CRIM1: variants seen among roughly 807,000 people sequenced by gnomAD.
The protein encoded by CRIM1 is cysteine-rich motor neuron 1 protein.
Under a neutral mutation model 116.4 loss-of-function variants are expected in CRIM1, and 32 were observed. The observed-to-expected ratio is 0.27, with a 90% CI of 0.21 to 0.37. The LOEUF is 0.37. Among genes scored for constraint, CRIM1 ranks in the 10% least tolerant of loss-of-function variants. The pLI is 1.00. For synonymous variants in CRIM1, 590 were observed against 509.2 expected (o/e 1.16, Z -2.13); for missense variants, 1,331 against 1,354.8 (o/e 0.98, Z 0.28).
chr2:36,446,431 C>A (rs1214996716), intron 4 of CRIM1, among the ~76,000 whole-genome samples: 1 of 152,188 alleles, frequency 6.6e-6, no homozygotes, highest in Non-Finnish European at 1.5e-5. Flanking sequence ...GTTTCACTTT[C>A]CACTTCTATC....
chr2:36,382,261 T>C (rs559472290), intron 1 of CRIM1, among the ~76,000 whole-genome samples: 1 of 152,214 alleles, frequency 6.6e-6, no homozygotes, highest in Non-Finnish European at 1.5e-5. Flanking sequence ...ATGTTTAAAA[T>C]TAAATTCCAT....
chr2:36,492,690 T>G (rs943364522), intron 7 of CRIM1, among the ~76,000 whole-genome samples: 3 of 152,230 alleles, frequency 2.0e-5, no homozygotes, highest in African/African-American at 7.2e-5. Context: ...CAAGCTTTGA[T>G]GCTGTCTTGG....
chr2:36,447,417 C>T (rs1163811761), intron 4 of CRIM1, among the ~76,000 whole-genome samples: 1 of 152,178 alleles, frequency 6.6e-6, no homozygotes, highest in African/African-American at 2.4e-5. Context: ...ACAACCGCCC[C>T]AAAAGAAGTA....
intron 8 of CRIM1, among the ~76,000 whole-genome samples, chr2:36,506,553 G>A (rs962879122): frequency 6.6e-6 from 1 of 152,008 alleles, no homozygotes; most frequent in Non-Finnish European, 1.5e-5. Context: ...TTGAGCATAG[G>A]AGCAAACATT....
At chr2:36,466,139 G>A (rs1469174917) in intron 5 of CRIM1, among the ~76,000 whole-genome samples, 3 of 152,032 alleles carry the variant, frequency 2.0e-5, no homozygotes, top group Non-Finnish European at 4.4e-5. Flanking sequence ...ACCCGCCTCG[G>A]CCTCCCAAGG....
intron 7 of CRIM1, among the ~76,000 whole-genome samples, chr2:36,485,330 T>C (rs1679736869): frequency 6.6e-6 from 1 of 152,250 alleles, no homozygotes; most frequent in Admixed American, 6.5e-5. Context: ...TCTTGACCTA[T>C]GTGGATTTAG....
chr2:36,433,487 T>G (rs1675057424), intron 2 of CRIM1, among the ~76,000 whole-genome samples: 1 of 152,200 alleles, frequency 6.6e-6, no homozygotes, highest in Non-Finnish European at 1.5e-5. Flanking sequence ...GAACATGCCC[T>G]TGGCGAAGCT....
intron 7 of CRIM1, among the ~76,000 whole-genome samples, chr2:36,488,722 C>T (rs185309369): frequency 4.7e-4 from 71 of 152,172 alleles, no homozygotes; most frequent in Non-Finnish European, 9.3e-4. Context: ...TTGTTTGAAA[C>T]AGCCTAGTTC....
Position 36,396,711 on chromosome 2 carries a change from C to T in CRIM1, c.429C>T (p.Asn143=), listed in dbSNP as rs769586748. ...TAATCAATGGGAAATGTGAATGTAA[C>T]ACCATTCGAACCTGCAGCAATCCCT... ...CNIINGKCEC[N]TIRTCSNPFE... The change falls in exon 2 of 17, where the codon AAC becomes AAT. Residue 143 remains asparagine, a synonymous_variant. Coordinates refer to ENST00000280527, the MANE Select transcript of CRIM1 (RefSeq NM_016441.3). 2 of 1,613,688 alleles carry T rather than the reference C, an allele frequency of 1.2e-6. No homozygotes were observed. The highest frequency in any genetic ancestry group is 1.1e-5 in the South Asian group (1 of 91,050).
chr2:36,527,210 A>T (rs1397537626), intron 13 of CRIM1, among the ~76,000 whole-genome samples: 1 of 151,700 alleles, frequency 6.6e-6, no homozygotes, highest in Non-Finnish European at 1.5e-5. Flanking sequence ...TGTGGCTCAT[A>T]ACTTCCATGT....
At chr2:36,527,096 C>T (rs1166599280) in intron 13 of CRIM1, among the ~76,000 whole-genome samples, 1 of 151,800 alleles carries the variant, frequency 6.6e-6, no homozygotes, top group Non-Finnish European at 1.5e-5. Context: ...ATTCTTGAGT[C>T]AGTGTATCTT....
chr2:36,540,103 G>C (rs1168633362), intron 14 of CRIM1, among the ~76,000 whole-genome samples: 1 of 152,152 alleles, frequency 6.6e-6, no homozygotes, highest in Non-Finnish European at 1.5e-5. Context: ...AAGAGGGTCA[G>C]TGACATGGAA....
chr2:36,491,533 G>C (rs1680225139), intron 7 of CRIM1, among the ~76,000 whole-genome samples: 1 of 152,166 alleles, frequency 6.6e-6, no homozygotes, highest in South Asian at 2.1e-4. Flanking sequence ...GGACAATTTT[G>C]AATGGGAGCT....
At chr2:36,515,878 T>A (rs953368079) in intron 11 of CRIM1, among the ~76,000 whole-genome samples, 1 of 152,238 alleles carries the variant, frequency 6.6e-6, no homozygotes, top group African/African-American at 2.4e-5. Context: ...TTTTGCTATA[T>A]TCATTTATCG....
chr2:36,410,407 C>T (rs573861461), intron 2 of CRIM1, among the ~76,000 whole-genome samples: 24 of 152,140 alleles, frequency 1.6e-4, no homozygotes, highest in Non-Finnish European at 3.4e-4. Context: ...TTAATATATC[C>T]ATTTATTTGT....
At position 36,396,687 on chromosome 2, in the gene CRIM1, A is replaced by C; in HGVS notation, c.405A>C (p.Ile135=). The C allele has an allele frequency of 6.2e-7, 1 of 1,613,434 alleles. No homozygotes were observed. Among genetic ancestry groups the C allele is most frequent in the Non-Finnish European group, 8.5e-7 (1 of 1,179,330 alleles). Residue 135 remains isoleucine, a synonymous_variant, in exon 2 of 17, where the codon ATA becomes ATC. Transcript: ENST00000280527. ...CNENLIAGCN[I]INGKCECNTI... Reference sequence around the variant, plus strand: ...AAAACCTTATTGCTGGCTGCAATATAATCAATGGGAAATGTGAATGTAACA... The same window carrying C: ...AAAACCTTATTGCTGGCTGCAATATCATCAATGGGAAATGTGAATGTAACA...
At chr2:36,506,708 G>C (rs538712961) in intron 8 of CRIM1, among the ~76,000 whole-genome samples, 1 of 151,944 alleles carries the variant, frequency 6.6e-6, no homozygotes, top group Non-Finnish European at 1.5e-5. Context: ...TTTAGATCAC[G>C]GTAAAGTCAT....
chr2:36,435,881 T>G (rs774171062), intron 2 of CRIM1, among the ~76,000 whole-genome samples: 1 of 151,380 alleles, frequency 6.6e-6, no homozygotes, highest in Non-Finnish European at 1.5e-5. Context: ...GTTACTTCTG[T>G]TGCAAGTGAT....
rs967050453 is a variant in CRIM1 at position 36,509,925 on chromosome 2, C to T, written c.1502-58C>T. The T allele has an allele frequency of 1.2e-4, 174 of 1,494,116 alleles. No individual in the cohort carries two copies. In the Admixed American group the frequency reaches 3.2e-3, roughly 27 times the overall value. The allele number at this position is 1,494,116 out of a possible 1,614,324, so 92.6% of individuals were successfully genotyped here. ...GGATTCAGGGACCGTATTTCAGCAT[C>T]GAAGTGTTCTGCTCTGTTCATCTTT... is the stretch of plus-strand genomic sequence containing the variant. On this transcript the variant is annotated intron_variant, in intron 8 of 16. Coordinates refer to ENST00000280527, the MANE Select transcript of CRIM1 (RefSeq NM_016441.3).
Sources: allele counts gnomAD v4.1 joint callset (sites outside exome capture counted in the v4.1 genomes callset), GRCh38; gene constraint gnomAD v4.1.1; transcripts MANE v1.5; gene names NCBI Gene and HGNC (gene_info 2026-07-23, HGNC 2026-07-21).